The following CHEK1 variants were observed in gnomAD, a reference collection of about 807,000 sequenced individuals.
CHEK1 encodes the protein serine/threonine-protein kinase Chk1.
A neutral mutation model predicts 60.2 loss-of-function variants in CHEK1; 32 were observed. The observed-to-expected ratio is 0.53, with a 90% confidence interval of 0.40 to 0.71. The LOEUF (loss-of-function observed/expected upper bound fraction) is 0.71, where lower values mean the gene tolerates loss of function less well. Ranked by LOEUF, CHEK1 falls within the 30% of genes least tolerant of loss-of-function variation. CHEK1 has a pLI of 0.00. For synonymous variants in CHEK1, 179 were observed against 187.2 expected (o/e 0.96, Z 0.36); for missense variants, 399 against 564.6 (o/e 0.71, Z 2.97).
In CHEK1 at chr11:125,625,678, C is replaced by T. The variant is rs1008550582; in HGVS notation, c.-355C>T. 2 of 621,140 alleles carry T rather than the reference C, an allele frequency of 3.2e-6. No homozygotes were observed. The highest frequency in any genetic ancestry group is 5.9e-6 in the Non-Finnish European group (2 of 341,426). The allele number at this position is 621,140 out of a possible 1,614,324, so 38.5% of individuals were successfully genotyped here. ...CCTGAGGCTTGGAGGCCTGGGCTTC[C>T]CCCAGCAGCGCTCGAGCACCGCCCA... is the stretch of plus-strand genomic sequence containing the variant. On this transcript the variant is annotated 5_prime_UTR_variant, in exon 1 of 13. Transcript: ENST00000438015.
At chr11:125,630,126 C>T (rs1052712337) in intron 5 of CHEK1, among the ~76,000 whole-genome samples, 3 of 151,910 alleles carry the variant, frequency 2.0e-5, no homozygotes, top group Non-Finnish European at 4.4e-5. Context: ...TTATGTATGA[C>T]GTGGATAAAA....
intron 8 of CHEK1, among the ~76,000 whole-genome samples, chr11:125,642,214 A>G (rs546610615): frequency 6.6e-6 from 1 of 152,296 alleles, no homozygotes; most frequent in Admixed American, 6.5e-5. Flanking sequence ...TGGCCATGCT[A>G]TTTAAAATGG....
chr11:125,657,236 T>G (rs1236505282), downstream of CHEK1: 1 of 158,054 alleles, frequency 6.3e-6, no homozygotes, highest in Non-Finnish European at 1.4e-5. Flanking sequence ...ACAGTGTGTG[T>G]GGTTGTTGAG....
chr11:125,635,571 T>C, intron 7 of CHEK1, 38 bp downstream of exon 7: 1 of 1,351,442 alleles, frequency 7.4e-7, no homozygotes, highest in Non-Finnish European at 1.0e-6. Flanking sequence ...TACCGATTTC[T>C]TGGATATGAA....
At chr11:125,665,005 CCA>C (rs1240073472) in intron 13 of CHEK1, among the ~76,000 whole-genome samples, 2 of 152,002 alleles carry the variant, frequency 1.3e-5, no homozygotes, top group African/African-American at 4.8e-5. Context: ...CTATGGATAT[CCA>C]GTTTTTCTAG....
intron 1 of CHEK1, chr11:125,626,284 C>T (rs1198953926): frequency 4.0e-6 from 2 of 502,774 alleles, no homozygotes; most frequent in African/African-American, 3.8e-5. Flanking sequence ...GCAGTTTGGC[C>T]CCGCCCCGGC....
At chr11:125,642,639 G>A (rs887965421) in intron 8 of CHEK1, among the ~76,000 whole-genome samples, 1 of 152,190 alleles carries the variant, frequency 6.6e-6, no homozygotes, top group Non-Finnish European at 1.5e-5. Context: ...CAGTCTAAGA[G>A]AAAGGAAATA....
intron 13 of CHEK1, among the ~76,000 whole-genome samples, chr11:125,670,040 C>T (rs925674040): frequency 6.6e-6 from 1 of 152,002 alleles, no homozygotes; most frequent in Non-Finnish European, 1.5e-5. Flanking sequence ...AATTCTTTTC[C>T]TGTGTTCTTC....
chr11:125,635,552 G>A lies in CHEK1; in HGVS notation c.718+19G>A, dbSNP rs1941039979. 2 of 1,468,286 alleles carry A rather than the reference G, an allele frequency of 1.4e-6. No individual in the cohort carries two copies. Among genetic ancestry groups the A allele is most frequent in the African/African-American group, 1.4e-5 (1 of 69,618 alleles). 91.0% of individuals were successfully genotyped at this position (1,468,286 alleles called of 1,614,324 possible). On this transcript the variant is annotated intron_variant, in intron 7 of 12. Transcript: ENST00000438015. ...CCTCTAGGTAACTGAATTATCTTGA[G>A]TGAAAGAGTACCGATTTCTTGGATA... is the stretch of plus-strand genomic sequence containing the variant.
downstream of CHEK1, among the ~76,000 whole-genome samples, chr11:125,679,216 C>CTTTTTTCTTT (rs1942677658): frequency 1.7e-5 from 2 of 121,040 alleles, no homozygotes; most frequent in African/African-American, 6.3e-5. Context: ...CCGTCTCTTT[C>CTTTTTTCTTT]TTTTTTTTTT....
intron 8 of CHEK1, chr11:125,643,090 C>G (rs1941364324): frequency 6.6e-6 from 1 of 152,044 alleles, no homozygotes; most frequent in Non-Finnish European, 1.5e-5. Context: ...TTGCTATTAT[C>G]ATAAATTATT....
At position 125,630,631 on chromosome 11, in the gene CHEK1, G is replaced by A. The variant is rs537425879; in HGVS notation, c.424+1171G>A. On this transcript the variant is annotated intron_variant, in intron 5 of 12. Transcript: ENST00000438015. ...CAGCCTATACATGCTTTTTTCTTAT[G>A]TGCATATGGATTTTACTTTTTACCC... Among the ~76,000 whole-genome samples, 5 of 151,984 alleles carry A rather than the reference G, an allele frequency of 3.3e-5. No individual in the cohort carries two copies. The South Asian group carries it at 1.0e-3, about 32-fold the overall frequency.
At chr11:125,639,936 C>T (rs1223662169) in intron 8 of CHEK1, among the ~76,000 whole-genome samples, 2 of 152,064 alleles carry the variant, frequency 1.3e-5, no homozygotes, top group Non-Finnish European at 2.9e-5. Flanking sequence ...TTAATTTTTC[C>T]TTCTCTACCG....
At chr11:125,674,550 G>A (rs944070181) in intron 13 of CHEK1, among the ~76,000 whole-genome samples, 10 of 152,204 alleles carry the variant, frequency 6.6e-5, no homozygotes, top group African/African-American at 2.4e-4. Context: ...TGGGAGAGAT[G>A]TTAATAAGTC....
chr11:125,678,014 C>T, downstream of CHEK1: 1 of 1,614,158 alleles, frequency 6.2e-7, no homozygotes, highest in Non-Finnish European at 8.5e-7. Context: ...CTGAAGGCTG[C>T]TCACCTACAG....
At position 125,644,558 on chromosome 11, in the gene CHEK1, A is replaced by G; in HGVS notation, c.1148A>G (p.Lys383Arg). ...LVKRMTRFFT[K>R]LDADKSYQCL... is the part of the protein sequence containing the mutation. ...AAAAGAATGACACGATTCTTTACCA[A>G]ATTGGATGCAGACAAATCTTATCAA... Residue 383 changes from lysine to arginine, a missense_variant, in exon 11 of 13, where the codon AAA (lysine) becomes AGA (arginine). Transcript: ENST00000438015. 2 of 1,614,128 alleles carry G rather than the reference A, an allele frequency of 1.2e-6. No individual in the cohort carries two copies. The highest frequency in any genetic ancestry group is 1.7e-6 in the Non-Finnish European group (2 of 1,180,032).
At chr11:125,677,867 ACC>A, downstream of CHEK1, 1 of 1,613,574 alleles carries the variant, frequency 6.2e-7, no homozygotes, top group Non-Finnish European at 8.5e-7. Flanking sequence ...AAGGCTGTTC[ACC>A]CGAGGCCTGC....
chr11:125,631,862 A>C (rs1414717937), intron 5 of CHEK1, among the ~76,000 whole-genome samples: 1 of 6,916 alleles, frequency 1.4e-4, no homozygotes, highest in African/African-American at 4.4e-4. Flanking sequence ...ACACTTTCTC[A>C]AAAAAAAAAA....
At chr11:125,668,132 C>G (rs185936155) in intron 13 of CHEK1, among the ~76,000 whole-genome samples, 1 of 152,266 alleles carries the variant, frequency 6.6e-6, no homozygotes, top group East Asian at 1.9e-4. Context: ...ACACTATTGT[C>G]TAGTTCAAGG....
Sources: gnomAD v4.1 joint callset for allele counts (sites outside exome capture counted in the v4.1 genomes callset) on GRCh38, gnomAD v4.1.1 for gene constraint, MANE v1.5 for transcripts, NCBI Gene and HGNC (gene_info 2026-07-23, HGNC 2026-07-21) for gene names.